ATXN3: variants seen among roughly 807,000 people sequenced by gnomAD.
ATXN3 encodes ataxin 3, also known as ataxin-3.
In ATXN3, 28 loss-of-function variants were observed where a neutral mutation model predicts 58.2. The observed-to-expected ratio is 0.48, with a 90% CI of 0.36 to 0.66. The LOEUF (loss-of-function observed/expected upper bound fraction) is 0.66, where lower values mean the gene tolerates loss of function less well. ATXN3 is among the 30% of genes least tolerant of loss of function. ATXN3 has a pLI of 0.00. For missense variants in ATXN3, 321 were observed against 422.1 expected (o/e 0.76, Z 2.10); for synonymous variants, 113 against 138.5 (o/e 0.82, Z 1.29).
At chr14:92,056,824 G>A (rs772945538), downstream of ATXN3, among the ~76,000 whole-genome samples, 5 of 152,150 alleles carry the variant, frequency 3.3e-5, no homozygotes, top group Non-Finnish European at 7.4e-5. Context: ...TTGAATAGGG[G>A]GTTGGTAAAA....
intron 1 of ATXN3, among the ~76,000 whole-genome samples, chr14:92,102,084 C>T (rs558498205): frequency 3.3e-5 from 5 of 152,038 alleles, no homozygotes; most frequent in South Asian, 2.1e-4. Flanking sequence ...ACTCAGGAGA[C>T]GGAGGTTGCA....
chr14:92,103,858 T>C (rs2067454404), intron 1 of ATXN3, among the ~76,000 whole-genome samples: 2 of 152,222 alleles, frequency 1.3e-5, no homozygotes, highest in Non-Finnish European at 2.9e-5. Context: ...GTTGGTTCTC[T>C]GGCTCTCCAA....
At chr14:92,098,494 T>C (rs557157505) in intron 1 of ATXN3, among the ~76,000 whole-genome samples, 2 of 152,132 alleles carry the variant, frequency 1.3e-5, no homozygotes, top group Admixed American at 1.3e-4. Flanking sequence ...CACTGAGGCA[T>C]GAGAATCGCT....
At chr14:92,071,897 A>C (rs1260842194) in intron 9 of ATXN3, among the ~76,000 whole-genome samples, 1 of 152,162 alleles carries the variant, frequency 6.6e-6, no homozygotes, top group East Asian at 1.9e-4. Context: ...TTTAATTCTC[A>C]GCATAAACTT....
upstream of ATXN3, among the ~76,000 whole-genome samples, chr14:92,052,215 C>T (rs1284740237): frequency 6.6e-6 from 1 of 152,072 alleles, no homozygotes; most frequent in Non-Finnish European, 1.5e-5. Context: ...GCATCTCTCG[C>T]CGGGTGCGGT....
At position 92,083,092 on chromosome 14, in the gene ATXN3, A is replaced by G. The variant is rs1242672808; in HGVS notation, c.608+34T>C. On this transcript the variant is annotated intron_variant, in intron 7 of 10. Coordinates refer to ENST00000644486, the MANE Select transcript of ATXN3 (RefSeq NM_004993.6). Reference sequence around the variant, plus strand: ...AATTTAATTCTCATAATGAAATACTACCATATATTCCATACTGCAGGCCTC... The same window carrying G: ...AATTTAATTCTCATAATGAAATACTGCCATATATTCCATACTGCAGGCCTC... The G allele has an allele frequency of 2.5e-6, 4 of 1,581,974 alleles. No homozygotes were observed. The Admixed American group carries it at 7.8e-5, about 31-fold the overall frequency.
intron 6 of ATXN3, among the ~76,000 whole-genome samples, chr14:92,084,173 A>T (rs571755457): frequency 1.4e-4 from 22 of 152,274 alleles, no homozygotes; most frequent in African/African-American, 5.1e-4. Flanking sequence ...GATACTCCTT[A>T]ATACATTACC....
At chr14:92,045,168 G>C (rs1414386717) in intron 2 of ATXN3, among the ~76,000 whole-genome samples, 1 of 152,280 alleles carries the variant, frequency 6.6e-6, no homozygotes, top group East Asian at 1.9e-4. Context: ...TAAAAATACT[G>C]TCCAGTCCTT....
intron 1 of ATXN3, among the ~76,000 whole-genome samples, chr14:92,048,891 G>A (rs2057438467): frequency 6.6e-6 from 1 of 152,152 alleles, no homozygotes; most frequent in South Asian, 2.1e-4. Context: ...GAACAGACAG[G>A]AGAGAAAGAA....
intron 7 of ATXN3, 106 bp downstream of exon 7, chr14:92,083,020 T>TA: frequency 2.9e-6 from 4 of 1,356,424 alleles, no homozygotes; most frequent in Admixed American, 4.9e-5. Flanking sequence ...AGGTCCAAAA[T>TA]AGAGTCGCCA....
chr14:92,096,999 C>A, intron 1 of ATXN3, 161 bp from the exon 2 acceptor site: 1 of 596,124 alleles, frequency 1.7e-6, no homozygotes, highest in Non-Finnish European at 2.9e-6. Flanking sequence ...GCTCCGCCAC[C>A]CGGGTTCATG....
At chr14:92,097,194 C>T (rs2065589618) in intron 1 of ATXN3, among the ~76,000 whole-genome samples, 1 of 151,726 alleles carries the variant, frequency 6.6e-6, no homozygotes, top group Non-Finnish European at 1.5e-5. Flanking sequence ...CAGGCGTGAG[C>T]CACTGCGCCC....
rs932519363 is a variant in ATXN3, at chr14:92,072,806, A to G, written c.873-1753T>C. Among the ~76,000 whole-genome samples, 10 of 152,148 alleles carry G rather than the reference A, an allele frequency of 6.6e-5. 2 individuals carry two copies. Among genetic ancestry groups the G allele is most frequent in the African/African-American group, 1.2e-4 (5 of 41,514 alleles). The stretch of plus-strand genomic sequence containing the variant: ...GAAAAGGAACAAGGATTTTTAAATT[A>G]CCAGCAACAATTATTAATAGAATGG... On this transcript the variant is annotated intron_variant, in intron 9 of 10. Coordinates refer to ENST00000644486, the MANE Select transcript of ATXN3 (RefSeq NM_004993.6).
At chr14:92,054,224 G>A (rs1486283236), downstream of ATXN3, among the ~76,000 whole-genome samples, 2 of 152,134 alleles carry the variant, frequency 1.3e-5, no homozygotes, top group Non-Finnish European at 2.9e-5. Context: ...ATGAACCACC[G>A]TGCCCGGCTG....
intron 9 of ATXN3, among the ~76,000 whole-genome samples, chr14:92,079,185 CAAA>C (rs35515547): frequency 2.6e-5 from 2 of 77,056 alleles, no homozygotes; most frequent in Non-Finnish European, 2.6e-5. Context: ...GACTCCATCT[CAAA>C]AAAAAAAAAA....
chr14:92,079,986 C>T (rs1355562201), intron 9 of ATXN3, among the ~76,000 whole-genome samples: 3 of 152,028 alleles, frequency 2.0e-5, no homozygotes, highest in African/African-American at 7.2e-5. Flanking sequence ...GATCCACCTG[C>T]CTTGGCCTCC....
chr14:92,075,451 G>A (rs1225812857), intron 9 of ATXN3, among the ~76,000 whole-genome samples: 2 of 152,156 alleles, frequency 1.3e-5, no homozygotes, highest in Admixed American at 1.3e-4. Flanking sequence ...ACAAGCGTGA[G>A]CCATAGCGCC....
chr14:92,072,694 T>TAAAAAAAAAAAA (rs33967699), intron 9 of ATXN3, among the ~76,000 whole-genome samples: 1 of 90,994 alleles, frequency 1.1e-5, no homozygotes. Flanking sequence ...AGCTATAGGT[T>TAAAAAAAAAAAA]AAAAAAAAAA....
intron 1 of ATXN3, among the ~76,000 whole-genome samples, chr14:92,103,260 G>A (rs549703643): frequency 8.5e-5 from 13 of 152,120 alleles, no homozygotes; most frequent in African/African-American, 3.1e-4. Flanking sequence ...CAGTAGCTAA[G>A]AATGCACTTT....
Sources: allele counts gnomAD v4.1 joint callset (sites outside exome capture counted in the v4.1 genomes callset), GRCh38; gene constraint gnomAD v4.1.1; transcripts MANE v1.5; gene names NCBI Gene and HGNC (gene_info 2026-07-23, HGNC 2026-07-21).